The following ADCY2 variants were observed in gnomAD, a reference collection of about 807,000 sequenced individuals.
ADCY2 encodes adenylate cyclase 2, also known as adenylate cyclase type 2.
ADCY2 carries 31 observed loss-of-function variants against 125.2 expected under a neutral mutation model. The observed-to-expected ratio is 0.25, with a 90% CI of 0.19 to 0.33. The LOEUF (loss-of-function observed/expected upper bound fraction) is 0.33. ADCY2 is among the 10% of genes least tolerant of loss of function. The pLI is 1.00. For synonymous variants in ADCY2, 512 were observed against 548.4 expected (o/e 0.93, Z 0.93); for missense variants, 904 against 1,418.2 (o/e 0.64, Z 5.82).
At chr5:7,594,427 G>A (rs1350152563) in intron 3 of ADCY2, among the ~76,000 whole-genome samples, 1 of 152,228 alleles carries the variant, frequency 6.6e-6, no homozygotes, top group Non-Finnish European at 1.5e-5. Flanking sequence ...TGAAAGTAAA[G>A]GAAGTTGAGA....
chr5:7,561,640 C>G (rs890575820), intron 3 of ADCY2, among the ~76,000 whole-genome samples: 8 of 151,268 alleles, frequency 5.3e-5, no homozygotes, highest in African/African-American at 1.5e-4. Flanking sequence ...TTTCCGAATG[C>G]ACATATTTGC....
chr5:7,396,584 G>C lies in ADCY2; in HGVS notation c.210+78G>C. The stretch of plus-strand genomic sequence containing the variant: ...AGCCCGGCCAGCCGAGCCGCGTCCC[G>C]CTCCGGGCTGCCCCTCGGCCCGCGG... On this transcript the variant is annotated intron_variant, in intron 1 of 24. Coordinates refer to ENST00000338316, the MANE Select transcript of ADCY2 (RefSeq NM_020546.3). This position sits in a 1 kb window ranked among gnomAD's most constrained non-coding sequence, Gnocchi z 5.7. 2 of 1,284,162 alleles carry C rather than the reference G, an allele frequency of 1.6e-6. No individual in the cohort carries two copies. The highest frequency in any genetic ancestry group is 1.0e-6 in the Non-Finnish European group (1 of 980,994). The allele number at this position is 1,284,162 out of a possible 1,614,324, so 79.5% of individuals were successfully genotyped here.
intron 14 of ADCY2, among the ~76,000 whole-genome samples, chr5:7,731,006 C>G (rs1413762915): frequency 6.6e-6 from 1 of 152,118 alleles, no homozygotes; most frequent in African/African-American, 2.4e-5. Flanking sequence ...ATTCTTTCCT[C>G]TGGAGTTCTT....
At chr5:7,666,123 C>T (rs554710023) in intron 4 of ADCY2, among the ~76,000 whole-genome samples, 3 of 151,828 alleles carry the variant, frequency 2.0e-5, no homozygotes, top group Admixed American at 6.6e-5. Context: ...CAGGCGTGAG[C>T]CACTGCGCCC....
chr5:7,814,658 A>G (rs1745051610), intron 22 of ADCY2, among the ~76,000 whole-genome samples: 2 of 151,918 alleles, frequency 1.3e-5, no homozygotes, highest in South Asian at 4.2e-4. Context: ...GCTTTTCTCT[A>G]CCTTGCTGTC....
At chr5:7,668,232 G>A (rs1351757705) in intron 4 of ADCY2, among the ~76,000 whole-genome samples, 3 of 152,216 alleles carry the variant, frequency 2.0e-5, no homozygotes, top group Non-Finnish European at 4.4e-5. Flanking sequence ...AGTAAACTCT[G>A]AGTAAATCAG....
chr5:7,565,218 A>G (rs892686161), intron 3 of ADCY2, among the ~76,000 whole-genome samples: 1 of 152,200 alleles, frequency 6.6e-6, no homozygotes, highest in Non-Finnish European at 1.5e-5. Flanking sequence ...TTACTTTCAG[A>G]AGTTAATTGC....
intron 3 of ADCY2, among the ~76,000 whole-genome samples, chr5:7,613,037 AAT>A (rs75457605): frequency 2.0e-5 from 3 of 152,098 alleles, no homozygotes; most frequent in Admixed American, 2.0e-4. Flanking sequence ...GACTCAAAAA[AAT>A]ATATATATAC....
At chr5:7,528,393 A>T (rs546879801) in intron 3 of ADCY2, among the ~76,000 whole-genome samples, 2 of 147,306 alleles carry the variant, frequency 1.4e-5, no homozygotes, top group African/African-American at 4.9e-5. Flanking sequence ...TGGAACTTTC[A>T]TGTTGGTAAC....
chr5:7,486,073 T>C (rs1433042704), intron 2 of ADCY2, among the ~76,000 whole-genome samples: 3 of 152,234 alleles, frequency 2.0e-5, no homozygotes, highest in African/African-American at 7.2e-5. Context: ...GTGATATTAT[T>C]CATTACGAAC....
intron 16 of ADCY2, among the ~76,000 whole-genome samples, chr5:7,758,035 T>C (rs1019244156): frequency 6.6e-6 from 1 of 151,916 alleles, no homozygotes; most frequent in Admixed American, 6.6e-5. Context: ...CTAAGGAGAG[T>C]GCGGTGTCCT....
At position 7,440,726 on chromosome 5, in the gene ADCY2, G is replaced by A. The variant is rs548222601; in HGVS notation, c.408+25956G>A. On this transcript the variant is annotated intron_variant, in intron 2 of 24. Transcript: ENST00000338316. ...TTAGAGATAGGAAAAACCCTAGGAA[G>A]CAGCAGATGATTTTCAAAATGTCAA... Among the ~76,000 whole-genome samples the A allele has an allele frequency of 3.3e-4, 51 of 152,268 alleles. No homozygotes were observed. The South Asian group carries it at 0.011, about 32-fold the overall frequency.
intron 2 of ADCY2, among the ~76,000 whole-genome samples, chr5:7,475,677 C>A (rs920999377): frequency 2.0e-5 from 3 of 152,190 alleles, no homozygotes; most frequent in Non-Finnish European, 2.9e-5. Flanking sequence ...CCACTGCACC[C>A]GGCAAGATGT....
At chr5:7,736,214 T>A (rs1212855715) in intron 14 of ADCY2, among the ~76,000 whole-genome samples, 1 of 152,068 alleles carries the variant, frequency 6.6e-6, no homozygotes, top group Non-Finnish European at 1.5e-5. Context: ...AGCAAGACTC[T>A]GTCTCAAAAA....
intron 4 of ADCY2, among the ~76,000 whole-genome samples, chr5:7,643,131 G>A (rs1008922275): frequency 2.0e-5 from 3 of 151,202 alleles, no homozygotes; most frequent in African/African-American, 7.3e-5. Context: ...ATTCAGAAAT[G>A]TTGGATTTTT....
intron 14 of ADCY2, among the ~76,000 whole-genome samples, chr5:7,729,324 T>C (rs1161976518): frequency 6.6e-6 from 1 of 152,208 alleles, no homozygotes; most frequent in East Asian, 1.9e-4. Context: ...GTGTGCTCTT[T>C]ACTGTAGATA....
chr5:7,445,672 A>G (rs996129793), intron 2 of ADCY2, among the ~76,000 whole-genome samples: 1 of 152,322 alleles, frequency 6.6e-6, no homozygotes, highest in South Asian at 2.1e-4. Flanking sequence ...AGTTCCTCAT[A>G]CAGGTTTAAC....
intron 14 of ADCY2, among the ~76,000 whole-genome samples, chr5:7,729,758 A>C (rs1742040994): frequency 6.7e-6 from 1 of 149,264 alleles, no homozygotes; most frequent in Non-Finnish European, 1.5e-5. Context: ...AAGTTCATAG[A>C]ATATACATCA....
At chr5:7,460,126 A>G (rs1257736509) in intron 2 of ADCY2, among the ~76,000 whole-genome samples, 1 of 152,112 alleles carries the variant, frequency 6.6e-6, no homozygotes, top group Non-Finnish European at 1.5e-5. Context: ...TGCAAAGTGA[A>G]TATTTAATCC....
Sources: gnomAD v4.1 joint callset for allele counts (sites outside exome capture counted in the v4.1 genomes callset) on GRCh38, gnomAD v4.1.1 for gene constraint, Gnocchi (gnomAD v3.1) non-coding constraint, MANE v1.5 for transcripts, NCBI Gene and HGNC (gene_info 2026-07-23, HGNC 2026-07-21) for gene names.